Variants in RPS23 observed in about 807,000 individuals in gnomAD.
The protein encoded by RPS23 is ribosomal protein S23, also known as small ribosomal subunit protein uS12.
For synonymous variants in RPS23, 66 were observed against 60.4 expected, an observed-to-expected ratio of 1.09 and a Z score of -0.43; for missense variants, 73 against 174.5, an observed-to-expected ratio of 0.42 and a Z score of 3.28.
Position 82,275,444 on chromosome 5 carries a change from G to T in RPS23, c.*665C>A. On this transcript the variant is annotated 3_prime_UTR_variant, in exon 4 of 4. Coordinates refer to ENST00000296674, the MANE Select transcript of RPS23 (RefSeq NM_001025.5). ...ATGAAGGTCTCTGACAACCTCATGA[G>T]AAGATACTGAAAACATCAGTCTTGT... The T allele has an allele frequency of 3.5e-6, 2 of 576,988 alleles. No individual in the cohort carries two copies. Among genetic ancestry groups the T allele is most frequent in the Non-Finnish European group, 6.1e-6 (2 of 327,860 alleles). 35.7% of individuals were successfully genotyped at this position (576,988 alleles called of 1,614,324 possible).
chr5:82,277,984 C>T, intron 1 of RPS23, 132 bp from the exon 2 acceptor site: 1 of 854,874 alleles, frequency 1.2e-6, no homozygotes, highest in Non-Finnish European at 1.8e-6. Context: ...GGCCTGTGGG[C>T]CAAACATTTG....
In RPS23 at chr5:82,278,327, G is replaced by C. The variant is rs1215505518; in HGVS notation, c.-4C>G. The stretch of plus-strand genomic sequence containing the variant: ...CCGGCCACAACAGCTCACCCATCCT[G>C]TCGGCGCCACGGGCCTGAGCGAAAG... On this transcript the variant is annotated 5_prime_UTR_variant, in exon 1 of 4. Coordinates refer to ENST00000296674, the MANE Select transcript of RPS23 (RefSeq NM_001025.5). The C allele has an allele frequency of 6.2e-7, 1 of 1,609,954 alleles. No homozygotes were observed. The highest frequency in any genetic ancestry group is 8.5e-7 in the Non-Finnish European group (1 of 1,178,564).
Position 82,275,664 on chromosome 5 carries a change from G to C in RPS23, c.*445C>G, listed in dbSNP as rs1305941766. 2 of 270,246 alleles carry C rather than the reference G, an allele frequency of 7.4e-6. No homozygotes were observed. Among genetic ancestry groups the C allele is most frequent in the Non-Finnish European group, 1.4e-5 (2 of 145,258 alleles). The allele number at this position is 270,246 out of a possible 1,614,324, so 16.7% of individuals were successfully genotyped here. A position where few individuals can be genotyped will look rare whatever the true frequency, so the allele number is the denominator to read the frequency against. On this transcript the variant is annotated 3_prime_UTR_variant, in exon 4 of 4. Transcript: ENST00000296674. ...CCCTGTAAGATGGATACAAGAATGTGCATTTCCAAGGGTACCTAAGATAAT... is the reference window on the plus strand; with the variant it reads ...CCCTGTAAGATGGATACAAGAATGTCCATTTCCAAGGGTACCTAAGATAAT...
chr5:82,275,402 G>T lies in RPS23; in HGVS notation c.*707C>A. 1 of 689,146 alleles carries T rather than the reference G, an allele frequency of 1.5e-6. No homozygotes were observed. The highest frequency in any genetic ancestry group is 1.5e-5 in the South Asian group (1 of 65,516). 42.7% of individuals were successfully genotyped at this position (689,146 alleles called of 1,614,324 possible). A position where few individuals can be genotyped will look rare whatever the true frequency, so the allele number is the denominator to read the frequency against. On this transcript the variant is annotated 3_prime_UTR_variant, in exon 4 of 4. Coordinates refer to ENST00000296674, the MANE Select transcript of RPS23 (RefSeq NM_001025.5). ...TCTACACTAAACCACTTCATTTGCTGACTAGTCTTTGAAGACATGAAGGTC... is the reference window on the plus strand; with the variant it reads ...TCTACACTAAACCACTTCATTTGCTTACTAGTCTTTGAAGACATGAAGGTC...
In RPS23 at chr5:82,274,864, G is replaced by C. The variant is rs1451588661; in HGVS notation, c.*1245C>G. ...GGAGAGACTAGCATCATCATCAAGA[G>C]ATAAACCGAAGTGTGCTGGAAAACA... On this transcript the variant is annotated 3_prime_UTR_variant, in exon 4 of 4. Coordinates refer to ENST00000296674, the MANE Select transcript of RPS23 (RefSeq NM_001025.5). 4 of 242,264 alleles carry C rather than the reference G, an allele frequency of 1.7e-5. No homozygotes were observed. In the East Asian group the frequency reaches 4.0e-4, roughly 24 times the overall value. 15.0% of individuals were successfully genotyped at this position (242,264 alleles called of 1,614,324 possible).
In RPS23 at chr5:82,278,231, CCCCGCCCTACTCTATTCGCATCCG is replaced by C. The variant is rs548039932; in HGVS notation, c.4+65_4+88del. 1,638 of 1,391,968 alleles carry C rather than the reference CCCCGCCCTACTCTATTCGCATCCG, an allele frequency of 1.2e-3. 31 individuals are homozygous for C. In the South Asian group the frequency reaches 0.019, roughly 16 times the overall value. The allele number at this position is 1,391,968 out of a possible 1,614,324, so 86.2% of individuals were successfully genotyped here. ...CCCCATGGAGCCTCTCCATGGCATC[CCCCGCCCTACTCTATTCGCATCCG>C]CCCGCCCGTCCCCAAGACCCCAAGT... On this transcript the variant is annotated intron_variant, in intron 1 of 3. Transcript: ENST00000296674.
In RPS23 at chr5:82,275,635, G is replaced by A. The variant is rs1459896637; in HGVS notation, c.*474C>T. ...TTTTGAGTTTACTATTTATCATCTT[G>A]GGCCCCTGTAAGATGGATACAAGAA... On this transcript the variant is annotated 3_prime_UTR_variant, in exon 4 of 4. Coordinates refer to ENST00000296674, the MANE Select transcript of RPS23 (RefSeq NM_001025.5). 5 of 324,336 alleles carry A rather than the reference G, an allele frequency of 1.5e-5. No homozygotes were observed. The East Asian group carries it at 2.9e-4, about 19-fold the overall frequency. 20.1% of individuals were successfully genotyped at this position (324,336 alleles called of 1,614,324 possible). A position where few individuals can be genotyped will look rare whatever the true frequency, so the allele number is the denominator to read the frequency against.
chr5:82,276,377 C>G (rs368430566), intron 3 of RPS23, 21 bp downstream of exon 3: 3 of 1,613,754 alleles, frequency 1.9e-6, no homozygotes, highest in Non-Finnish European at 2.5e-6. Flanking sequence ...ACAGAAGGTA[C>G]GATAGAGTTG....
At chr5:82,276,933 C>G (rs1244751225) in intron 2 of RPS23, 1 of 170,592 alleles carries the variant, frequency 5.9e-6, no homozygotes, top group African/African-American at 2.4e-5. Context: ...CCTGTAATTC[C>G]AGCACTTTCG....
chr5:82,275,300 A>G lies in RPS23; in HGVS notation c.*809T>C. On this transcript the variant is annotated 3_prime_UTR_variant, in exon 4 of 4. Coordinates refer to ENST00000296674, the MANE Select transcript of RPS23 (RefSeq NM_001025.5). ...GCCACTGTATCCATGAAAACTCTGA[A>G]ACAAGTATTTGTGGACAGCAAAATC... 1.4e-6 allele frequency: 1 copy of G among 702,618 alleles called. No individual in the cohort carries two copies. Among genetic ancestry groups the G allele is most frequent in the Non-Finnish European group, 2.6e-6 (1 of 385,016 alleles). 43.5% of individuals were successfully genotyped at this position (702,618 alleles called of 1,614,324 possible).
chr5:82,276,054 C>A lies in RPS23; in HGVS notation c.*55G>T, dbSNP rs1747766915. ...GGTGAGAACAGGGGACAGTAAGATA[C>A]AAACATTTTTTGGCATATGAAAATT... On this transcript the variant is annotated 3_prime_UTR_variant, in exon 4 of 4. Transcript: ENST00000296674. 9.2e-6 allele frequency: 14 copies of A among 1,528,262 alleles called. No homozygotes were observed. The highest frequency in any genetic ancestry group is 1.3e-5 in the Non-Finnish European group (14 of 1,119,668). 94.7% of individuals were successfully genotyped at this position (1,528,262 alleles called of 1,614,324 possible). A position where few individuals can be genotyped will look rare whatever the true frequency, so the allele number is the denominator to read the frequency against.
intron 2 of RPS23, chr5:82,276,808 T>A: frequency 3.1e-6 from 1 of 319,146 alleles, no homozygotes; most frequent in Non-Finnish European, 5.4e-6. Flanking sequence ...GCCTAGAACG[T>A]CAAGATGGCC....
In RPS23 at chr5:82,274,205, C is replaced by G. The variant is rs1268374435; in HGVS notation, c.*1904G>C. 1 of 152,116 alleles carries G rather than the reference C, an allele frequency of 6.6e-6. No homozygotes were observed. Among genetic ancestry groups the G allele is most frequent in the Non-Finnish European group, 1.5e-5 (1 of 68,020 alleles). 9.4% of individuals were successfully genotyped at this position (152,116 alleles called of 1,614,324 possible). The stretch of plus-strand genomic sequence containing the variant: ...GAATGTCTATTTATGGATTCCCTAT[C>G]TTATTTTATTGATGTGTATTTTTGT... On this transcript the variant is annotated 3_prime_UTR_variant, in exon 4 of 4. Transcript: ENST00000296674.
At chr5:82,278,146 C>G in intron 1 of RPS23, 174 bp downstream of exon 1, 1 of 872,140 alleles carries the variant, frequency 1.1e-6, no homozygotes, top group Non-Finnish European at 1.8e-6. Flanking sequence ...GCCTCCACGC[C>G]TCATGGGCCC....
rs1747738844 is a variant in RPS23 at position 82,274,897 on chromosome 5, T to A, written c.*1212A>T. 2 of 295,896 alleles carry A rather than the reference T, an allele frequency of 6.8e-6. No individual in the cohort carries two copies. Among genetic ancestry groups the A allele is most frequent in the Non-Finnish European group, 1.3e-5 (2 of 157,458 alleles). 18.3% of individuals were successfully genotyped at this position (295,896 alleles called of 1,614,324 possible). ...GAAGTGTGCTGGAAAACACACGAGC[T>A]CTTTAGTAAGAGCAGGCGACATGCA... On this transcript the variant is annotated 3_prime_UTR_variant, in exon 4 of 4. Coordinates refer to ENST00000296674, the MANE Select transcript of RPS23 (RefSeq NM_001025.5).
Position 82,276,038 on chromosome 5 carries a change from AG to A in RPS23, c.*70del. 1 of 1,412,454 alleles carries A rather than the reference AG, an allele frequency of 7.1e-7. No individual in the cohort carries two copies. Among genetic ancestry groups the A allele is most frequent in the Non-Finnish European group, 9.8e-7 (1 of 1,024,426 alleles). 87.5% of individuals were successfully genotyped at this position (1,412,454 alleles called of 1,614,324 possible). ...TGAACATGATCTTCGTGGTGAGAAC[AG>A]GGGACAGTAAGATACAAACATTTTT... On this transcript the variant is annotated 3_prime_UTR_variant, in exon 4 of 4. Transcript: ENST00000296674.
In RPS23 at chr5:82,275,110, G is replaced by A; in HGVS notation, c.*999C>T. 1.5e-6 allele frequency: 1 copy of A among 656,892 alleles called. No individual in the cohort carries two copies. The highest frequency in any genetic ancestry group is 1.8e-5 in the African/African-American group (1 of 56,000). 40.7% of individuals were successfully genotyped at this position (656,892 alleles called of 1,614,324 possible). On this transcript the variant is annotated 3_prime_UTR_variant, in exon 4 of 4. Coordinates refer to ENST00000296674, the MANE Select transcript of RPS23 (RefSeq NM_001025.5). The stretch of plus-strand genomic sequence containing the variant: ...GTGCCATGTGAAAGGTTCTGCTCTT[G>A]ATCCTACGGAAAGTGGGCAACCAAA...
At chr5:82,276,712 A>C in intron 2 of RPS23, 194 bp from the exon 3 acceptor site, 2 of 668,300 alleles carry the variant, frequency 3.0e-6, no homozygotes, top group Non-Finnish European at 5.0e-6. Flanking sequence ...AAATTTCTAG[A>C]CCTTTTACAG....
intron 1 of RPS23, 155 bp from the exon 2 acceptor site, chr5:82,278,007 C>G (rs1428742759): frequency 5.5e-6 from 4 of 724,492 alleles, no homozygotes; most frequent in Non-Finnish European, 9.1e-6. Context: ...CTTCAAGTTG[C>G]CCTGAACCGA....
Sources: allele counts gnomAD v4.1 joint callset, GRCh38; gene constraint gnomAD v4.1.1; transcripts MANE v1.5; gene names NCBI Gene and HGNC (gene_info 2026-07-23, HGNC 2026-07-21).